Variants in UNC79 observed in about 807,000 individuals in gnomAD.
UNC79 encodes protein unc-79 homolog.
UNC79 carries 37 observed loss-of-function variants against 283.1 expected under a neutral mutation model. That is an observed-to-expected ratio of 0.13 (90% CI 0.10 to 0.17). The LOEUF (loss-of-function observed/expected upper bound fraction) is 0.17. Among genes scored for constraint, UNC79 ranks in the 10% least tolerant of loss-of-function variants. The pLI is 1.00. For missense variants in UNC79, 2,272 were observed against 3,211.1 expected (o/e 0.71, Z 7.07); for synonymous variants, 1,107 against 1,200.2 (o/e 0.92, Z 1.61).
Position 93,630,782 on chromosome 14 carries a change from A to T in UNC79, c.5609-19A>T. The T allele has an allele frequency of 6.2e-7, 1 of 1,606,040 alleles. No individual in the cohort carries two copies. Among genetic ancestry groups the T allele is most frequent in the Non-Finnish European group, 8.5e-7 (1 of 1,172,846 alleles). On this transcript the variant is annotated intron_variant, in intron 30 of 48. Coordinates refer to ENST00000555664, the Ensembl canonical transcript of UNC79. ...TTTTAATCAGTGTCCTGAGTTTTAA[A>T]TAATATTTCTGTTTGTAGATCCTTC...
At chr14:93,609,565 C>G (rs1596058039) in intron 26 of UNC79, among the ~76,000 whole-genome samples, 1 of 152,204 alleles carries the variant, frequency 6.6e-6, no homozygotes, top group Middle Eastern at 3.4e-3. Context: ...ACGTCAGACC[C>G]TTTAACATGT....
At chr14:93,613,150 C>A in intron 27 of UNC79, 67 bp downstream of exon 28, 1 of 1,580,436 alleles carries the variant, frequency 6.3e-7, no homozygotes, top group Non-Finnish European at 8.6e-7. Context: ...GCATTACATA[C>A]CATGTAGCCA....
At chr14:93,481,052 G>T (rs953335578) in intron 4 of UNC79, among the ~76,000 whole-genome samples, 2 of 152,062 alleles carry the variant, frequency 1.3e-5, no homozygotes, top group South Asian at 4.2e-4. Flanking sequence ...CAGAGTAAGA[G>T]GCCAGCATGT....
In UNC79 at chr14:93,651,188, A is replaced by G. The variant is rs138987621; in HGVS notation, c.6084-2554A>G. Among the ~76,000 whole-genome samples the G allele has an allele frequency of 9.1e-3, 1,386 of 152,296 alleles. 7 individuals carry two copies. The highest frequency in any genetic ancestry group is 0.015 in the Non-Finnish European group (1,003 of 68,004). On this transcript the variant is annotated intron_variant, in intron 35 of 48. Coordinates refer to ENST00000555664, the Ensembl canonical transcript of UNC79. ...ACTGTCTTGATTATAGTACCTTCAT[A>G]GTAAGTAGTAAGTGTTAAAGTCAGG... is the stretch of plus-strand genomic sequence containing the variant.
chr14:93,433,094 A>C (rs2055940789), intron 1 of UNC79, among the ~76,000 whole-genome samples: 1 of 152,192 alleles, frequency 6.6e-6, no homozygotes, highest in African/African-American at 2.4e-5. Flanking sequence ...GAACATGTGG[A>C]CTTGAGCTTT....
At position 93,468,329 on chromosome 14, in the gene UNC79, AC is replaced by A. The variant is rs549880297; in HGVS notation, c.143+539del. 1.9e-3 allele frequency among the ~76,000 whole-genome samples: 291 copies of A among 152,254 alleles called. 2 individuals are homozygous for A. The highest frequency in any genetic ancestry group is 6.6e-3 in the African/African-American group (276 of 41,550). ...GGCTCTTTTTCTTTTGTCTACTTTTACTGTAAGGTAGAGATAGGAGGGCCCT... is the reference window on the plus strand; with the variant it reads ...GGCTCTTTTTCTTTTGTCTACTTTTATGTAAGGTAGAGATAGGAGGGCCCT... On this transcript the variant is annotated intron_variant, in intron 2 of 48. Coordinates refer to ENST00000555664, the Ensembl canonical transcript of UNC79.
chr14:93,621,774 T>A lies in UNC79; in HGVS notation c.4541T>A (p.Leu1514Ter). ...AATGCAGACTCGCTTTTGTTTACAT[T>A]AGACGAACATCGTAGGAAGTCGTGC... The change falls in exon 30 of 49, where the codon TTA becomes TAA. Residue 1514 changes from leucine to a stop codon, truncating the protein, a stop_gained. Coordinates refer to ENST00000555664, the Ensembl canonical transcript of UNC79. LOFTEE classifies it high-confidence loss of function. This position sits in a 1 kb window ranked among gnomAD's most constrained non-coding sequence, Gnocchi z 4.8. 6.2e-7 allele frequency: 1 copy of A among 1,614,178 alleles called. No individual in the cohort carries two copies. The highest frequency in any genetic ancestry group is 8.5e-7 in the Non-Finnish European group (1 of 1,180,026).
intron 1 of UNC79, among the ~76,000 whole-genome samples, chr14:93,455,418 T>G (rs150180756): frequency 1.3e-5 from 2 of 152,342 alleles, no homozygotes; most frequent in East Asian, 3.9e-4. Context: ...AAGATAAGTC[T>G]CTGAATATAG....
intron 1 of UNC79, among the ~76,000 whole-genome samples, chr14:93,359,800 A>G (rs1169719882): frequency 6.6e-6 from 1 of 152,186 alleles, no homozygotes; most frequent in Non-Finnish European, 1.5e-5. Context: ...AACCCCTTGA[A>G]TGAAGGGGAG....
At chr14:93,508,052 A>G (rs2059635287) in intron 7 of UNC79, among the ~76,000 whole-genome samples, 1 of 152,178 alleles carries the variant, frequency 6.6e-6, no homozygotes, top group South Asian at 2.1e-4. Context: ...GTACACCAAT[A>G]CAATTGTCTT....
chr14:93,399,171 T>G (rs750925594), intron 1 of UNC79, among the ~76,000 whole-genome samples: 2 of 152,046 alleles, frequency 1.3e-5, no homozygotes, highest in Non-Finnish European at 2.9e-5. Flanking sequence ...AAGTACAGCA[T>G]GAGGAAGACT....
At chr14:93,388,834 A>C (rs927733208) in intron 1 of UNC79, among the ~76,000 whole-genome samples, 2 of 152,208 alleles carry the variant, frequency 1.3e-5, no homozygotes, top group African/African-American at 2.4e-5. Flanking sequence ...TTGTAGTGGA[A>C]CAGTTGGAAG....
At chr14:93,435,603 C>A (rs2402283) in intron 1 of UNC79, among the ~76,000 whole-genome samples, 84,893 of 151,932 alleles carry the variant, frequency 0.56, 24,083 homozygotes, top group Admixed American at 0.65. Context: ...TACATACCAC[C>A]CAAATTCATT....
chr14:93,655,380 C>T (rs1157409580), exon 38 of UNC79: 1 of 1,614,020 alleles, frequency 6.2e-7, no homozygotes, highest in Admixed American at 1.7e-5. Flanking sequence ...CATTTTTTGC[C>T]AAGCTGCCTT....
At chr14:93,358,427 C>T (rs1414553441) in intron 1 of UNC79, among the ~76,000 whole-genome samples, 1 of 152,274 alleles carries the variant, frequency 6.6e-6, no homozygotes, top group African/African-American at 2.4e-5. Context: ...TAAGATTGCC[C>T]TGAATGAGAG....
intron 7 of UNC79, among the ~76,000 whole-genome samples, chr14:93,512,522 AT>A (rs2059875163): frequency 6.6e-6 from 1 of 152,160 alleles, no homozygotes; most frequent in South Asian, 2.1e-4. Context: ...CTTTAAAAAA[AT>A]ATTTGGTACT....
At chr14:93,358,835 T>G (rs1442913349) in intron 1 of UNC79, among the ~76,000 whole-genome samples, 1 of 152,144 alleles carries the variant, frequency 6.6e-6, no homozygotes, top group Non-Finnish European at 1.5e-5. Flanking sequence ...AAGATAATGT[T>G]GATTCTCCTT....
intron 24 of UNC79, among the ~76,000 whole-genome samples, chr14:93,599,158 G>T (rs925978782): frequency 4.4e-4 from 67 of 152,290 alleles, no homozygotes; most frequent in African/African-American, 1.6e-3. Flanking sequence ...TAGCTACTGT[G>T]TTTCCAGGGC....
intron 1 of UNC79, among the ~76,000 whole-genome samples, chr14:93,460,861 C>T (rs796648257): frequency 1.3e-4 from 19 of 151,984 alleles, no homozygotes; most frequent in African/African-American, 4.6e-4. Context: ...TCTGTCTCTA[C>T]AAAAAATAAA....
Sources: allele counts gnomAD v4.1 joint callset (sites outside exome capture counted in the v4.1 genomes callset), GRCh38; gene constraint gnomAD v4.1.1; non-coding constraint Gnocchi (gnomAD v3.1); transcripts MANE v1.5; gene names NCBI Gene and HGNC (gene_info 2026-07-23, HGNC 2026-07-21).